The following PKP4 variants were observed in gnomAD, a reference collection of about 807,000 sequenced individuals.
PKP4 encodes the protein plakophilin 4.
Under a neutral mutation model 145.1 loss-of-function variants are expected in PKP4, and 90 were observed. That is an observed-to-expected ratio of 0.62 (90% CI 0.52 to 0.74). The LOEUF is 0.74. Ranked by LOEUF, PKP4 falls within the 30% of genes least tolerant of loss-of-function variation. The probability of loss-of-function intolerance (pLI) is 0.00; values close to 1 mark genes in which losing one functional copy is unlikely to be tolerated. For missense variants in PKP4, 1,340 were observed against 1,482.7 expected, an observed-to-expected ratio of 0.90 and a Z score of 1.58; for synonymous variants, 563 against 577.2, an observed-to-expected ratio of 0.98 and a Z score of 0.35.
intron 3 of PKP4, among the ~76,000 whole-genome samples, chr2:158,587,823 A>G (rs1290763064): frequency 6.6e-6 from 1 of 151,890 alleles, no homozygotes; most frequent in Non-Finnish European, 1.5e-5. Flanking sequence ...CTAGTATGTA[A>G]TGTTTCAATT....
Position 158,657,342 on chromosome 2 carries a change from C to T in PKP4, c.1910-789C>T, listed in dbSNP as rs143331980. Among the ~76,000 whole-genome samples the T allele has an allele frequency of 1.7e-3, 252 of 152,250 alleles. 2 individuals are homozygous for T. The highest frequency in any genetic ancestry group is 5.7e-3 in the African/African-American group (236 of 41,534). On this transcript the variant is annotated intron_variant, in intron 11 of 21. Coordinates refer to ENST00000389759, the MANE Select transcript of PKP4 (RefSeq NM_003628.6). ...TACTTGGTGCAAAAATTAAGGCCCT[C>T]TAATATCATTAAACAGAACTCTAAT...
intron 1 of PKP4, among the ~76,000 whole-genome samples, chr2:158,528,686 A>AAAAAAAAAAG (rs397950718): frequency 7.2e-6 from 1 of 138,422 alleles, no homozygotes; most frequent in Non-Finnish European, 1.6e-5. Context: ...AAAAAAAAAA[A>AAAAAAAAAAG]GAGACCTGGG....
intron 1 of PKP4, among the ~76,000 whole-genome samples, chr2:158,464,191 T>A (rs1247732129): frequency 2.6e-5 from 4 of 152,238 alleles, no homozygotes; most frequent in African/African-American, 9.6e-5. Context: ...TGATTTGTCC[T>A]CAGAGAAGTT....
intron 1 of PKP4, among the ~76,000 whole-genome samples, chr2:158,477,868 CAA>C (rs1287341549): frequency 6.6e-6 from 1 of 152,074 alleles, no homozygotes; most frequent in Non-Finnish European, 1.5e-5. Flanking sequence ...CAAAAAAAAC[CAA>C]AAGTCCAAAG....
At chr2:158,555,041 T>C (rs1371203149) in intron 2 of PKP4, among the ~76,000 whole-genome samples, 1 of 152,244 alleles carries the variant, frequency 6.6e-6, no homozygotes, top group Non-Finnish European at 1.5e-5. Context: ...AAAAGCCATG[T>C]TTAAACATTA....
intron 17 of PKP4, 108 bp downstream of exon 17, chr2:158,670,023 A>G (rs1302427987): frequency 8.1e-6 from 7 of 865,522 alleles, no homozygotes; most frequent in Non-Finnish European, 1.2e-5. Context: ...TTATTTTTGC[A>G]TTTCTTACAT....
intron 17 of PKP4, among the ~76,000 whole-genome samples, chr2:158,672,023 C>T (rs1012330103): frequency 6.6e-5 from 10 of 152,110 alleles, no homozygotes; most frequent in Non-Finnish European, 1.3e-4. Flanking sequence ...AGAGGGAAGC[C>T]GGTGGGGCTG....
chr2:158,554,196 C>T (rs1186920106), intron 2 of PKP4, among the ~76,000 whole-genome samples: 6 of 151,926 alleles, frequency 3.9e-5, no homozygotes, highest in Admixed American at 3.9e-4. Context: ...AGCCTTCTGG[C>T]ACTCACTGTC....
At chr2:158,622,712 C>G (rs1558902746) in intron 6 of PKP4, among the ~76,000 whole-genome samples, 1 of 152,096 alleles carries the variant, frequency 6.6e-6, no homozygotes, top group Non-Finnish European at 1.5e-5. Context: ...ATTTTTCAAG[C>G]TAAAATGGGA....
intron 1 of PKP4, among the ~76,000 whole-genome samples, chr2:158,489,571 C>G (rs1325010804): frequency 6.6e-6 from 1 of 152,196 alleles, no homozygotes; most frequent in Non-Finnish European, 1.5e-5. Context: ...TCCTCTGCCC[C>G]CTGCAGCTGC....
At chr2:158,589,977 G>A (rs1382790785) in intron 3 of PKP4, among the ~76,000 whole-genome samples, 3 of 152,182 alleles carry the variant, frequency 2.0e-5, no homozygotes, top group African/African-American at 7.2e-5. Flanking sequence ...TACATGGCAT[G>A]TCTGCCTAGG....
At chr2:158,680,317 A>G (rs1371257567) in intron 21 of PKP4, 112 bp from the exon 22 acceptor site, 2 of 804,026 alleles carry the variant, frequency 2.5e-6, no homozygotes, top group Admixed American at 2.8e-5. Flanking sequence ...TTAAACTGCA[A>G]ATATTGAATA....
At chr2:158,642,826 C>A (rs2054430336) in intron 11 of PKP4, 127 bp downstream of exon 11, 2 of 561,082 alleles carry the variant, frequency 3.6e-6, no homozygotes, top group African/African-American at 1.9e-5. Flanking sequence ...ATATAGTGCT[C>A]ACAACTGTGA....
intron 2 of PKP4, among the ~76,000 whole-genome samples, chr2:158,560,058 G>C (rs1442906333): frequency 1.3e-5 from 2 of 152,076 alleles, no homozygotes; most frequent in South Asian, 2.1e-4. Flanking sequence ...GTAGAGAAAG[G>C]GTTTCACCAT....
In PKP4 at chr2:158,661,382, G is replaced by A. The variant is rs373539347; in HGVS notation, c.2143G>A (p.Glu715Lys). The A allele has an allele frequency of 8.2e-5, 133 of 1,613,820 alleles. No individual in the cohort carries two copies. The highest frequency in any genetic ancestry group is 2.5e-4 in the Admixed American group (15 of 59,994). ...EEARKQMRSC[E>K]GLVDSLLYVI... ...AGCTCGGAAGCAAATGCGGTCCTGC[G>A]AGGGGCTGGTAGACTCACTGTTGTA... Residue 715 changes from glutamate (E) to lysine (K), a missense_variant, in exon 13 of 22, where the codon GAG becomes AAG. Physicochemically the swap from Glu to Lys is moderately conservative, Grantham distance 56. Transcript: ENST00000389759.
chr2:158,605,681 A>G (rs2050598846), intron 4 of PKP4, among the ~76,000 whole-genome samples: 1 of 152,166 alleles, frequency 6.6e-6, no homozygotes, highest in Non-Finnish European at 1.5e-5. Flanking sequence ...CATTTTAAGA[A>G]TACTCTTAAA....
At position 158,680,610 on chromosome 2, in the gene PKP4, T is replaced by C; in HGVS notation, c.3512T>C (p.Phe1171Ser). 1 of 1,613,952 alleles carries C rather than the reference T, an allele frequency of 6.2e-7. No individual in the cohort carries two copies. Among genetic ancestry groups the C allele is most frequent in the Non-Finnish European group, 8.5e-7 (1 of 1,179,850 alleles). The change falls in exon 22 of 22, where the codon TTT (phenylalanine) becomes TCT (serine). Residue 1171 changes from phenylalanine (F) to serine (S), a missense_variant. Physicochemically the swap from Phe to Ser is radical, Grantham distance 155. Transcript: ENST00000389759. Reference protein sequence around the residue: ...GLKSTTNYVDFYSTKRPSYRA... With the variant: ...GLKSTTNYVDSYSTKRPSYRA... Reference sequence around the variant, plus strand: ...AAATCGACCACAAATTATGTAGACTTTTATTCCACTAAACGACCTTCTTAT... The same window carrying C: ...AAATCGACCACAAATTATGTAGACTCTTATTCCACTAAACGACCTTCTTAT...
At chr2:158,477,255 G>C (rs1692625984) in intron 1 of PKP4, among the ~76,000 whole-genome samples, 1 of 96,860 alleles carries the variant, frequency 1.0e-5, no homozygotes, top group African/African-American at 3.9e-5. Context: ...GGAAGAGCTT[G>C]AGATCTGGAG....
chr2:158,580,423 A>G (rs1233192089), intron 3 of PKP4, among the ~76,000 whole-genome samples: 1 of 152,174 alleles, frequency 6.6e-6, no homozygotes, highest in Non-Finnish European at 1.5e-5. Flanking sequence ...GCACAAATGC[A>G]TATATGGCCC....
Sources: allele counts gnomAD v4.1 joint callset (sites outside exome capture counted in the v4.1 genomes callset), GRCh38; gene constraint gnomAD v4.1.1; transcripts MANE v1.5; gene names NCBI Gene and HGNC (gene_info 2026-07-23, HGNC 2026-07-21).